Variants in HS3ST1 observed in about 807,000 individuals in gnomAD.
The protein encoded by HS3ST1 is heparan sulfate glucosamine 3-O-sulfotransferase 1.
Under a neutral mutation model 20.7 loss-of-function variants are expected in HS3ST1, and 8 were observed. That is an observed-to-expected ratio of 0.39 (90% CI 0.23 to 0.70). The LOEUF (loss-of-function observed/expected upper bound fraction) is 0.70. HS3ST1 is among the 30% of genes least tolerant of loss of function. The pLI is 0.46. For synonymous variants in HS3ST1, 205 were observed against 190.4 expected (o/e 1.08, Z -0.63); for missense variants, 436 against 423.4 (o/e 1.03, Z -0.26).
intron 1 of HS3ST1, among the ~76,000 whole-genome samples, chr4:11,408,062 G>A (rs1386167270): frequency 6.6e-6 from 1 of 152,124 alleles, no homozygotes; most frequent in African/African-American, 2.4e-5. Flanking sequence ...AAATAGACAG[G>A]GATTATTTTG....
At chr4:11,410,199 C>T (rs899228104) in intron 1 of HS3ST1, among the ~76,000 whole-genome samples, 3 of 152,132 alleles carry the variant, frequency 2.0e-5, no homozygotes, top group South Asian at 2.1e-4. Flanking sequence ...GAAATAATCC[C>T]GTCCCTGTCC....
chr4:11,409,579 A>C (rs778451470), intron 1 of HS3ST1, among the ~76,000 whole-genome samples: 5 of 152,350 alleles, frequency 3.3e-5, no homozygotes, highest in African/African-American at 1.2e-4. Flanking sequence ...ATGGGGTTTC[A>C]TGAAGAACCA....
At chr4:11,426,712 A>AGTCATG (rs1313126453) in intron 1 of HS3ST1, among the ~76,000 whole-genome samples, 1 of 152,264 alleles carries the variant, frequency 6.6e-6, no homozygotes, top group Non-Finnish European at 1.5e-5. Flanking sequence ...AAGAGTGCTT[A>AGTCATG]GTCATGAAGT....
intron 1 of HS3ST1, among the ~76,000 whole-genome samples, chr4:11,407,018 C>T (rs1372358847): frequency 6.6e-6 from 1 of 152,152 alleles, no homozygotes; most frequent in African/African-American, 2.4e-5. Context: ...ATTTTAGAAA[C>T]AATGAAATTG....
intron 1 of HS3ST1, among the ~76,000 whole-genome samples, chr4:11,403,907 G>A (rs912918687): frequency 6.6e-6 from 1 of 152,186 alleles, no homozygotes; most frequent in Non-Finnish European, 1.5e-5. Flanking sequence ...ATTACTTTGA[G>A]ACTGAAATGA....
rs73815977 is a variant in HS3ST1, at chr4:11,403,076, A to G, written c.-108-2963T>C. ...GCTAATGTCTTATATACACATATGC[A>G]AGTATATACGCACACATATACATAC... On this transcript the variant is annotated intron_variant, in intron 1 of 1. Coordinates refer to ENST00000002596, the MANE Select transcript of HS3ST1 (RefSeq NM_005114.4). Among the ~76,000 whole-genome samples, 422 of 152,360 alleles carry G rather than the reference A, an allele frequency of 2.8e-3. 3 individuals carry two copies. The highest frequency in any genetic ancestry group is 9.4e-3 in the African/African-American group (389 of 41,582).
chr4:11,421,919 T>C (rs1406529960), intron 1 of HS3ST1, among the ~76,000 whole-genome samples: 3 of 152,168 alleles, frequency 2.0e-5, no homozygotes, highest in African/African-American at 7.2e-5. Flanking sequence ...TTTCCTTAAA[T>C]AGCAAATGAA....
rs1398512258 is a variant in HS3ST1, at chr4:11,397,883, G to T, written c.*1199C>A. ...ATCCAATGGGTTTAATTCTGTAAAAGGCTGACTGCATGAAGAATGCATGAA... is the reference window on the plus strand; with the variant it reads ...ATCCAATGGGTTTAATTCTGTAAAATGCTGACTGCATGAAGAATGCATGAA... On this transcript the variant is annotated 3_prime_UTR_variant, in exon 2 of 2. Coordinates refer to ENST00000002596, the MANE Select transcript of HS3ST1 (RefSeq NM_005114.4). 6.6e-6 allele frequency: 1 copy of T among 152,092 alleles called. No individual in the cohort carries two copies. The highest frequency in any genetic ancestry group is 1.5e-5 in the Non-Finnish European group (1 of 68,028). The allele number at this position is 152,092 out of a possible 1,614,324, so 9.4% of individuals were successfully genotyped here.
intron 1 of HS3ST1, among the ~76,000 whole-genome samples, chr4:11,411,879 C>T (rs1296999871): frequency 6.6e-6 from 1 of 152,118 alleles, no homozygotes; most frequent in Non-Finnish European, 1.5e-5. Flanking sequence ...CCTGGCTGCA[C>T]CCATACTGGC....
At chr4:11,411,353 G>A (rs1051385372) in intron 1 of HS3ST1, among the ~76,000 whole-genome samples, 5 of 152,066 alleles carry the variant, frequency 3.3e-5, no homozygotes, top group African/African-American at 4.8e-5. Flanking sequence ...CTTTCCTCTG[G>A]CCCACATACA....
intron 1 of HS3ST1, 130 bp from the exon 2 acceptor site, chr4:11,400,243 G>T: frequency 1.4e-6 from 1 of 717,910 alleles, no homozygotes. Context: ...ATCCTATACA[G>T]GAGCCGATGG....
At chr4:11,428,939 A>G, upstream of HS3ST1, 1 of 152,718 alleles carries the variant, frequency 6.5e-6, no homozygotes, top group Non-Finnish European at 1.5e-5. Flanking sequence ...GAGGAGGGGG[A>G]GGAGCGGGAG....
intron 1 of HS3ST1, among the ~76,000 whole-genome samples, chr4:11,405,496 C>G (rs913784712): frequency 6.6e-6 from 1 of 152,138 alleles, no homozygotes; most frequent in South Asian, 2.1e-4. Flanking sequence ...TTGCCTTGCT[C>G]TACTCTGTCC....
intron 1 of HS3ST1, among the ~76,000 whole-genome samples, chr4:11,422,222 C>T (rs967104206): frequency 6.6e-6 from 1 of 152,184 alleles, no homozygotes; most frequent in African/African-American, 2.4e-5. Context: ...TTTGGCTGTT[C>T]TCACCACATC....
Position 11,403,220 on chromosome 4 carries a change from T to C in HS3ST1, c.-108-3107A>G, listed in dbSNP as rs957995997. On this transcript the variant is annotated intron_variant, in intron 1 of 1. Transcript: ENST00000002596. ...GTGTGTGTAAATGTATGCACACATA[T>C]ATTCATAGCTAAATATAGTATAACC... is the stretch of plus-strand genomic sequence containing the variant. Among the ~76,000 whole-genome samples, 4 of 152,364 alleles carry C rather than the reference T, an allele frequency of 2.6e-5. No individual in the cohort carries two copies. In the East Asian group the frequency reaches 7.7e-4, roughly 29 times the overall value.
intron 1 of HS3ST1, among the ~76,000 whole-genome samples, chr4:11,416,235 G>A (rs224492): frequency 0.97 from 147,659 of 152,288 alleles, 71,743 homozygotes; most frequent in Middle Eastern, 1. Context: ...GTTTATCATA[G>A]TGGTACTTTC....
chr4:11,400,114 C>T lies in HS3ST1; in HGVS notation c.-108-1G>A. 7.0e-7 allele frequency: 1 copy of T among 1,427,186 alleles called. No homozygotes were observed. The allele number at this position is 1,427,186 out of a possible 1,614,324, so 88.4% of individuals were successfully genotyped here. ...CATGGGCGTTTCAGGCCTTCAATTA[C>T]TAGGGAACAAAAAGGGAAGATATTA... On this transcript the variant is annotated splice_acceptor_variant, in intron 1 of 1. Coordinates refer to ENST00000002596, the MANE Select transcript of HS3ST1 (RefSeq NM_005114.4). LOFTEE classifies it low-confidence loss of function (5UTR_SPLICE).
intron 1 of HS3ST1, among the ~76,000 whole-genome samples, chr4:11,408,744 C>T (rs1428685037): frequency 2.6e-5 from 4 of 152,260 alleles, no homozygotes; most frequent in African/African-American, 9.6e-5. Context: ...ACAGACGGGG[C>T]TTCTCTTATT....
chr4:11,433,671 T>C (rs1216826500), upstream of HS3ST1, among the ~76,000 whole-genome samples: 3 of 150,490 alleles, frequency 2.0e-5, no homozygotes, highest in African/African-American at 5.0e-5. Context: ...CCTCACACTC[T>C]TCAGAAAAAA....
Sources: allele counts gnomAD v4.1 joint callset (sites outside exome capture counted in the v4.1 genomes callset), GRCh38; gene constraint gnomAD v4.1.1; transcripts MANE v1.5; gene names NCBI Gene and HGNC (gene_info 2026-07-23, HGNC 2026-07-21).